The following TSHR variants were observed in gnomAD, a reference collection of about 807,000 sequenced individuals.
The protein encoded by TSHR is thyroid stimulating hormone receptor.
In TSHR, 51 loss-of-function variants were observed where a neutral mutation model predicts 64.1. That is an observed-to-expected ratio of 0.80 (90% CI 0.64 to 1.01). The LOEUF is 1.01. Ranked by LOEUF, TSHR falls within the 50% of genes least tolerant of loss-of-function variation. The pLI is 0.00. For missense variants in TSHR, 877 were observed against 942.8 expected (o/e 0.93, Z 0.91); for synonymous variants, 361 against 361.9 (o/e 1.00, Z 0.03).
In TSHR at chr14:80,955,848, T is replaced by A. The variant is rs1390619232; in HGVS notation, c.168T>A (p.Thr56=). 1.9e-6 allele frequency: 3 copies of A among 1,614,026 alleles called. No individual in the cohort carries two copies. Among genetic ancestry groups the A allele is most frequent in the Non-Finnish European group, 1.7e-6 (2 of 1,180,036 alleles). ...RIPSLPPSTQ[T]LKLIETHLRT... is the part of the protein sequence containing the mutation. ...CCAGCTTACCGCCCAGTACGCAGACTCTGTGAGTACCCGGGAGAGATCAGG... is the reference window on the plus strand; with the variant it reads ...CCAGCTTACCGCCCAGTACGCAGACACTGTGAGTACCCGGGAGAGATCAGG... The change falls in exon 1 of 10, where the codon ACT becomes ACA. Residue 56 remains threonine, a splice_region_variant and synonymous_variant. Transcript: ENST00000298171.
chr14:80,962,061 T>C (rs1284030833), intron 1 of TSHR, among the ~76,000 whole-genome samples: 1 of 152,216 alleles, frequency 6.6e-6, no homozygotes, highest in Non-Finnish European at 1.5e-5. Flanking sequence ...TGCTATTTCC[T>C]AAATATGCTT....
chr14:81,107,992 A>G (rs1370982276), intron 7 of TSHR, among the ~76,000 whole-genome samples: 1 of 152,176 alleles, frequency 6.6e-6, no homozygotes, highest in Non-Finnish European at 1.5e-5. Flanking sequence ...TAGTCTTCAA[A>G]GTTAAATTGG....
intron 7 of TSHR, among the ~76,000 whole-genome samples, chr14:81,106,329 T>C (rs936031282): frequency 6.6e-6 from 1 of 152,174 alleles, no homozygotes. Flanking sequence ...TTTTTCACTC[T>C]TTATGATTTT....
intron 7 of TSHR, chr14:81,104,308 C>G (rs550309740): frequency 1.0e-6 from 1 of 985,374 alleles, no homozygotes; most frequent in South Asian, 4.7e-5. Flanking sequence ...AACATGGTTC[C>G]CCACAGAAGT....
At chr14:81,020,049 T>C (rs2139797344) in intron 1 of TSHR, among the ~76,000 whole-genome samples, 2 of 152,324 alleles carry the variant, frequency 1.3e-5, no homozygotes, top group South Asian at 4.1e-4. Flanking sequence ...TCTTCCACAA[T>C]GGTTGAACTA....
In TSHR at chr14:81,108,355, C is replaced by CTCTT. The variant is rs2140030470; in HGVS notation, c.615-19_615-18insCTTT. ...ATCACCTAATTCATTCTCTCTCTCT[C>CTCTT]TTTCTCTCTCTCCCTCTAGTTACCT... On this transcript the variant is annotated intron_variant, in intron 7 of 9. Coordinates refer to ENST00000298171, the MANE Select transcript of TSHR (RefSeq NM_000369.5). 6.3e-7 allele frequency: 1 copy of CTCTT among 1,587,848 alleles called. No individual in the cohort carries two copies. Among genetic ancestry groups the CTCTT allele is most frequent in the African/African-American group, 1.3e-5 (1 of 74,396 alleles).
chr14:81,053,030 G>A (rs980338212), intron 1 of TSHR: 1 of 152,140 alleles, frequency 6.6e-6, no homozygotes, highest in Non-Finnish European at 1.5e-5. Flanking sequence ...AAGAGAAGCA[G>A]TTGGAAAACT....
At chr14:81,032,988 C>G in intron 1 of TSHR, 2 of 351,720 alleles carry the variant, frequency 5.7e-6, no homozygotes, top group Non-Finnish European at 1.1e-5. Flanking sequence ...CACCAAAAGT[C>G]AAGCTGCTGT....
rs117544440 is a variant in TSHR, at chr14:80,975,765, G to A, written c.170+19915G>A. Among the ~76,000 whole-genome samples the A allele has an allele frequency of 1.5e-4, 23 of 152,248 alleles. No homozygotes were observed. The East Asian group carries it at 4.1e-3, about 27-fold the overall frequency. ...TTGTCACTGCTGACTGCTTCCCTTG[G>A]TTTTCTCCACATCATACTCCTTGAT... On this transcript the variant is annotated intron_variant, in intron 1 of 9. Coordinates refer to ENST00000298171, the MANE Select transcript of TSHR (RefSeq NM_000369.5).
At chr14:80,986,517 G>T (rs541993127) in intron 1 of TSHR, among the ~76,000 whole-genome samples, 4 of 151,556 alleles carry the variant, frequency 2.6e-5, no homozygotes, top group Non-Finnish European at 5.9e-5. Context: ...ACAGAGTTTC[G>T]CTCTTGTTGC....
chr14:81,079,251 A>G (rs1431119542), intron 3 of TSHR, among the ~76,000 whole-genome samples: 4 of 152,214 alleles, frequency 2.6e-5, no homozygotes, highest in Non-Finnish European at 5.9e-5. Flanking sequence ...TACTTTCTCT[A>G]TAAGAAAGTC....
chr14:81,065,933 C>T (rs893696473), intron 2 of TSHR, among the ~76,000 whole-genome samples: 11 of 152,280 alleles, frequency 7.2e-5, no homozygotes, highest in African/African-American at 1.7e-4. Flanking sequence ...ACTCACAAAA[C>T]TATCCCAGTT....
chr14:81,088,116 A>T, intron 4 of TSHR, 88 bp downstream of exon 4: 1 of 1,076,994 alleles, frequency 9.3e-7, no homozygotes, highest in Non-Finnish European at 1.4e-6. Context: ...TCCCTAGATG[A>T]TGTGGTCCAG....
chr14:81,090,373 T>C (rs1888628293), intron 4 of TSHR, among the ~76,000 whole-genome samples: 2 of 152,168 alleles, frequency 1.3e-5, no homozygotes, highest in South Asian at 2.1e-4. Context: ...GCCTCCCAAG[T>C]AGCTGGGATT....
chr14:80,982,556 C>T, intron 1 of TSHR: 1 of 1,022,006 alleles, frequency 9.8e-7, no homozygotes, highest in Non-Finnish European at 1.4e-6. Context: ...GACCCTAATC[C>T]TCAATCTGTG....
intron 3 of TSHR, among the ~76,000 whole-genome samples, chr14:81,086,521 C>T (rs1888297366): frequency 6.6e-6 from 1 of 152,166 alleles, no homozygotes; most frequent in Non-Finnish European, 1.5e-5. Context: ...ATAATAAAAG[C>T]ATTATTTTAG....
At chr14:81,084,744 A>G (rs1393725392) in intron 3 of TSHR, among the ~76,000 whole-genome samples, 1 of 152,210 alleles carries the variant, frequency 6.6e-6, no homozygotes, top group Non-Finnish European at 1.5e-5. Flanking sequence ...CTGGCAGCAT[A>G]GCTAGCCTCC....
chr14:81,013,601 G>C (rs1383919150), intron 1 of TSHR: 1 of 152,004 alleles, frequency 6.6e-6, no homozygotes, highest in African/African-American at 2.4e-5. Context: ...ACTCTTTATT[G>C]TCCACCATAC....
intron 3 of TSHR, among the ~76,000 whole-genome samples, chr14:81,078,107 C>A (rs1416379852): frequency 6.6e-6 from 1 of 151,306 alleles, no homozygotes; most frequent in Non-Finnish European, 1.5e-5. Flanking sequence ...AAAAAATAGT[C>A]ATTTATATAC....
Sources: allele counts gnomAD v4.1 joint callset (sites outside exome capture counted in the v4.1 genomes callset), GRCh38; gene constraint gnomAD v4.1.1; transcripts MANE v1.5; gene names NCBI Gene and HGNC (gene_info 2026-07-23, HGNC 2026-07-21).